Variants in POU6F2 observed in about 807,000 individuals in gnomAD.
POU6F2 encodes POU class 6 homeobox 2.
A neutral mutation model predicts 71.3 loss-of-function variants in POU6F2; 31 were observed. That is an observed-to-expected ratio of 0.43 (90% CI 0.33 to 0.59). POU6F2 has a LOEUF of 0.59. Among genes scored for constraint, POU6F2 ranks in the 20% least tolerant of loss-of-function variants. The pLI, the probability that POU6F2 is intolerant of heterozygous loss-of-function variation, is 0.04. For missense variants in POU6F2, 783 were observed against 856.8 expected (o/e 0.91, Z 1.07); for synonymous variants, 347 against 355.7 (o/e 0.98, Z 0.27).
chr7:38,981,763 AG>A (rs1287293109), intron 1 of POU6F2, among the ~76,000 whole-genome samples: 1 of 152,180 alleles, frequency 6.6e-6, no homozygotes, highest in Non-Finnish European at 1.5e-5. Context: ...TATTTTTCAA[AG>A]TACATTTCGA....
intron 5 of POU6F2, among the ~76,000 whole-genome samples, chr7:39,361,223 G>T (rs1461225020): frequency 6.6e-6 from 1 of 152,130 alleles, no homozygotes; most frequent in Non-Finnish European, 1.5e-5. Context: ...TCTGCAAAGC[G>T]GACTCCTTGA....
chr7:39,171,497 T>C (rs1223630856), intron 2 of POU6F2, among the ~76,000 whole-genome samples: 1 of 152,196 alleles, frequency 6.6e-6, no homozygotes, highest in Non-Finnish European at 1.5e-5. Context: ...TCTTAGACAT[T>C]GTTAGCAAGC....
chr7:39,326,881 G>C lies in POU6F2; in HGVS notation c.599-12761G>C, dbSNP rs547491950. 4.6e-5 allele frequency among the ~76,000 whole-genome samples: 7 copies of C among 152,214 alleles called. No individual in the cohort carries two copies. The South Asian group carries it at 1.5e-3, about 32-fold the overall frequency. ...GTCCTAGTTGGTCAGAAAAGTCCCA[G>C]CTCCAGTTTCCCACCTTTGCACACT... On this transcript the variant is annotated intron_variant, in intron 4 of 9. Coordinates refer to ENST00000518318, the MANE Select transcript of POU6F2 (RefSeq NM_001370959.1).
chr7:39,109,376 G>A (rs971238643), intron 2 of POU6F2, among the ~76,000 whole-genome samples: 3 of 152,202 alleles, frequency 2.0e-5, no homozygotes, highest in East Asian at 1.9e-4. Flanking sequence ...TTCCATATAC[G>A]ATTATTACCA....
intron 5 of POU6F2, among the ~76,000 whole-genome samples, chr7:39,369,069 A>G (rs1786559095): frequency 6.6e-6 from 1 of 152,198 alleles, no homozygotes; most frequent in Non-Finnish European, 1.5e-5. Flanking sequence ...TCTCAAGGAT[A>G]AGTGAAGAAA....
chr7:39,370,668 G>C (rs947702100), intron 5 of POU6F2, among the ~76,000 whole-genome samples: 1 of 152,186 alleles, frequency 6.6e-6, no homozygotes, highest in Admixed American at 6.5e-5. Flanking sequence ...ATTGGGCCAC[G>C]TTGCCCACAT....
At chr7:39,008,519 T>G (rs1789157359) in intron 1 of POU6F2, among the ~76,000 whole-genome samples, 1 of 150,342 alleles carries the variant, frequency 6.7e-6, no homozygotes, top group Admixed American at 6.6e-5. Context: ...AGAAGCTCTT[T>G]AGTTTAATTA....
At chr7:39,010,308 C>T (rs984406456) in intron 1 of POU6F2, among the ~76,000 whole-genome samples, 2 of 147,344 alleles carry the variant, frequency 1.4e-5, no homozygotes, top group East Asian at 2.0e-4. Flanking sequence ...AGTTTATTTG[C>T]GTAGAGGTGT....
intron 4 of POU6F2, among the ~76,000 whole-genome samples, chr7:39,277,500 C>T (rs573178057): frequency 1.9e-4 from 29 of 152,202 alleles, no homozygotes; most frequent in African/African-American, 6.3e-4. Flanking sequence ...TAAGAACATG[C>T]AATATTTGGT....
chr7:39,001,564 G>C (rs571182008), intron 1 of POU6F2, among the ~76,000 whole-genome samples: 22 of 152,318 alleles, frequency 1.4e-4, no homozygotes, highest in Non-Finnish European at 2.1e-4. Flanking sequence ...CTTTAGATGA[G>C]GATATGTGGG....
At chr7:39,379,531 A>G (rs1024643645) in intron 5 of POU6F2, among the ~76,000 whole-genome samples, 2 of 152,122 alleles carry the variant, frequency 1.3e-5, no homozygotes, top group African/African-American at 2.4e-5. Context: ...ATGTTAAGGG[A>G]CAGGCACAAA....
At chr7:39,163,718 G>T (rs1252122653) in intron 2 of POU6F2, among the ~76,000 whole-genome samples, 1 of 152,182 alleles carries the variant, frequency 6.6e-6, no homozygotes, top group Non-Finnish European at 1.5e-5. Flanking sequence ...GCACTCCCAT[G>T]TTCATTGTAG....
At position 39,261,562 on chromosome 7, in the gene POU6F2, C is replaced by A. The variant is rs566336110; in HGVS notation, c.598+53942C>A. Among the ~76,000 whole-genome samples, 495 of 152,282 alleles carry A rather than the reference C, an allele frequency of 3.3e-3. 3 individuals are homozygous for A. Among genetic ancestry groups the A allele is most frequent in the African/African-American group, 0.011 (476 of 41,556 alleles). On this transcript the variant is annotated intron_variant, in intron 4 of 9. Coordinates refer to ENST00000518318, the MANE Select transcript of POU6F2 (RefSeq NM_001370959.1). ...ATCCTCAGGTAGGAACCGTTATCAA[C>A]CCTGTTTTACAGATGAGAAAACAGG...
intron 4 of POU6F2, among the ~76,000 whole-genome samples, chr7:39,214,492 A>G (rs1167802702): frequency 6.6e-6 from 1 of 152,232 alleles, no homozygotes; most frequent in Non-Finnish European, 1.5e-5. Flanking sequence ...CATCGAGGGC[A>G]AGGTCAGCAG....
At chr7:39,281,280 A>T (rs1187551398) in intron 4 of POU6F2, among the ~76,000 whole-genome samples, 2 of 152,150 alleles carry the variant, frequency 1.3e-5, no homozygotes, top group Admixed American at 1.3e-4. Flanking sequence ...CGCCTCATAC[A>T]TTTATCATTT....
At chr7:39,075,052 C>T (rs1790969992) in intron 1 of POU6F2, among the ~76,000 whole-genome samples, 1 of 152,098 alleles carries the variant, frequency 6.6e-6, no homozygotes, top group Non-Finnish European at 1.5e-5. Flanking sequence ...CACTCTGGCA[C>T]CGTGGGACTG....
chr7:39,150,225 C>CTGTGTGTGT (rs1554325544), intron 2 of POU6F2, among the ~76,000 whole-genome samples: 1 of 141,160 alleles, frequency 7.1e-6, no homozygotes, highest in African/African-American at 2.7e-5. Context: ...AGTAATATGT[C>CTGTGTGTGT]TGTGTGTGTG....
intron 4 of POU6F2, among the ~76,000 whole-genome samples, chr7:39,330,144 C>T (rs556954566): frequency 3.3e-5 from 5 of 152,258 alleles, no homozygotes; most frequent in African/African-American, 7.2e-5. Context: ...AGTTTACCTC[C>T]GTATTTCCAA....
At chr7:39,043,327 A>G (rs1354111678) in intron 1 of POU6F2, among the ~76,000 whole-genome samples, 3 of 151,982 alleles carry the variant, frequency 2.0e-5, no homozygotes, top group African/African-American at 4.8e-5. Context: ...CCAATACTAT[A>G]AAGTAGCAAA....
Sources: allele counts gnomAD v4.1 joint callset (sites outside exome capture counted in the v4.1 genomes callset), GRCh38; gene constraint gnomAD v4.1.1; transcripts MANE v1.5; gene names NCBI Gene and HGNC (gene_info 2026-07-23, HGNC 2026-07-21).